Variants in NETO2 observed in about 807,000 individuals in gnomAD.
The protein encoded by NETO2 is neuropilin and tolloid like 2.
NETO2 carries 28 observed loss-of-function variants against 62.5 expected under a neutral mutation model. That is an observed-to-expected ratio of 0.45 (90% CI 0.33 to 0.61). The LOEUF (loss-of-function observed/expected upper bound fraction) is 0.61, where lower values mean the gene tolerates loss of function less well. Among genes scored for constraint, NETO2 ranks in the 20% least tolerant of loss-of-function variants. The pLI is 0.02. For missense variants in NETO2, 548 were observed against 643.2 expected, an observed-to-expected ratio of 0.85 and a Z score of 1.60; for synonymous variants, 214 against 219.1, an observed-to-expected ratio of 0.98 and a Z score of 0.21.
At chr16:47,092,518 T>C (rs906160455) in intron 7 of NETO2, among the ~76,000 whole-genome samples, 10 of 152,060 alleles carry the variant, frequency 6.6e-5, no homozygotes, top group Non-Finnish European at 1.5e-4. Flanking sequence ...AGACGGGCCA[T>C]GTTATAAGTG....
At position 47,143,743 on chromosome 16, in the gene NETO2, C is replaced by T; in HGVS notation, c.-131G>A. 5 of 1,147,138 alleles carry T rather than the reference C, an allele frequency of 4.4e-6. No individual in the cohort carries two copies. In the South Asian group the frequency reaches 2.2e-4, roughly 51 times the overall value. The allele number at this position is 1,147,138 out of a possible 1,614,324, so 71.1% of individuals were successfully genotyped here. A position where few individuals can be genotyped will look rare whatever the true frequency, so the allele number is the denominator to read the frequency against. On this transcript the variant is annotated 5_prime_UTR_variant, in exon 1 of 9. Transcript: ENST00000562435. Reference sequence around the variant, plus strand: ...CGGCCAGCAGCTGCCTCCCCGCTCCCCTGAGGAGAGCTCAGGTCCTGCGGC... The same window carrying T: ...CGGCCAGCAGCTGCCTCCCCGCTCCTCTGAGGAGAGCTCAGGTCCTGCGGC...
intron 7 of NETO2, among the ~76,000 whole-genome samples, chr16:47,108,792 G>C (rs116083487): frequency 0.011 from 1,606 of 152,258 alleles, 27 homozygotes; most frequent in African/African-American, 0.037. Flanking sequence ...TTAATTTTCA[G>C]TTTTACTCTG....
At chr16:47,094,338 C>G (rs1332045211) in intron 7 of NETO2, among the ~76,000 whole-genome samples, 1 of 144,728 alleles carries the variant, frequency 6.9e-6, no homozygotes. Flanking sequence ...AGAAATATAA[C>G]AGAAACAGTT....
chr16:47,115,668 C>T (rs1211034675), intron 6 of NETO2, among the ~76,000 whole-genome samples: 9 of 136,800 alleles, frequency 6.6e-5, no homozygotes, highest in Admixed American at 6.4e-4. Context: ...GCTGGGACTA[C>T]AGCTGCAGCC....
rs540147881 is a variant in NETO2, at chr16:47,122,647, A to G, written c.654+10T>C. 1.9e-5 allele frequency: 31 copies of G among 1,611,636 alleles called. No homozygotes were observed. Among genetic ancestry groups the G allele is most frequent in the Non-Finnish European group, 2.5e-5 (29 of 1,179,428 alleles). On this transcript the variant is annotated intron_variant, in intron 6 of 8. Coordinates refer to ENST00000562435, the MANE Select transcript of NETO2 (RefSeq NM_018092.5). ...GTTCTTCTCTGAAGCGACTCAATAC[A>G]TAATAATACCTTAGCTTTTGGAGTG...
intron 7 of NETO2, 108 bp downstream of exon 7, chr16:47,109,375 A>G: frequency 1.7e-6 from 1 of 581,278 alleles, no homozygotes; most frequent in Non-Finnish European, 2.7e-6. Flanking sequence ...TAGTAAAACA[A>G]AAAAAAACAT....
In NETO2 at chr16:47,123,203, A is replaced by G. The variant is rs144703649; in HGVS notation, c.482-291T>C. Reference sequence around the variant, plus strand: ...CATCACATATACAATATACCAGAATATTATTTGGCCTTAAAAAGGAATGAA... The same window carrying G: ...CATCACATATACAATATACCAGAATGTTATTTGGCCTTAAAAAGGAATGAA... On this transcript the variant is annotated intron_variant, in intron 4 of 8. Transcript: ENST00000562435. Among the ~76,000 whole-genome samples the G allele has an allele frequency of 4.6e-5, 7 of 152,348 alleles. No homozygotes were observed. The East Asian group carries it at 1.3e-3, about 29-fold the overall frequency.
chr16:47,111,772 T>C (rs1049025556), intron 6 of NETO2, among the ~76,000 whole-genome samples: 1 of 152,174 alleles, frequency 6.6e-6, no homozygotes, highest in Non-Finnish European at 1.5e-5. Context: ...AGGTGAGACG[T>C]AGAACTGGTG....
intron 6 of NETO2, among the ~76,000 whole-genome samples, chr16:47,122,058 T>C (rs1399260187): frequency 3.3e-5 from 5 of 152,196 alleles, no homozygotes; most frequent in Non-Finnish European, 4.4e-5. Context: ...TCTTTTTACA[T>C]AATACGCATT....
rs1015975107 is a variant in NETO2 at position 47,122,735 on chromosome 16, C to T, written c.576G>A (p.Gln192=). Residue 192 remains glutamine, a synonymous_variant, in exon 6 of 9, where the codon CAG becomes CAA. Coordinates refer to ENST00000562435, the MANE Select transcript of NETO2 (RefSeq NM_018092.5). ...GTTTTGTTTTCTCCTCTTGTTCTAC[C>T]TGACTAGAGCGCACTATTCCATCAG... ...SGADGIVRSS[Q]VEQEEKTKPG... is the part of the protein sequence containing the mutation. The T allele has an allele frequency of 1.2e-6, 2 of 1,613,968 alleles. No individual in the cohort carries two copies. Among genetic ancestry groups the T allele is most frequent in the African/African-American group, 2.7e-5 (2 of 74,894 alleles).
intron 7 of NETO2, among the ~76,000 whole-genome samples, chr16:47,091,785 G>A (rs1331203740): frequency 6.6e-6 from 1 of 152,180 alleles, no homozygotes; most frequent in Non-Finnish European, 1.5e-5. Context: ...TAAGAACCTT[G>A]GGTGCTGAGT....
rs1963742960 is a variant in NETO2, at chr16:47,109,474, T to C, written c.883+9A>G. On this transcript the variant is annotated intron_variant, in intron 7 of 8. Coordinates refer to ENST00000562435, the MANE Select transcript of NETO2 (RefSeq NM_018092.5). ...AAAGATCTCAATACTATAGGAATTATTTACTTACGCTCCACAAAGGAAGTA... is the reference window on the plus strand; with the variant it reads ...AAAGATCTCAATACTATAGGAATTACTTACTTACGCTCCACAAAGGAAGTA... 2 of 1,594,268 alleles carry C rather than the reference T, an allele frequency of 1.3e-6. No homozygotes were observed. Among genetic ancestry groups the C allele is most frequent in the Non-Finnish European group, 1.7e-6 (2 of 1,166,314 alleles).
intron 4 of NETO2, among the ~76,000 whole-genome samples, chr16:47,126,405 C>T (rs535936424): frequency 6.6e-6 from 1 of 152,284 alleles, no homozygotes; most frequent in South Asian, 2.1e-4. Flanking sequence ...ATTCCAGTTA[C>T]ATGACATTCT....
intron 7 of NETO2, among the ~76,000 whole-genome samples, chr16:47,095,987 A>C (rs1963420476): frequency 1.3e-5 from 2 of 152,350 alleles, no homozygotes; most frequent in South Asian, 4.1e-4. Context: ...ATGAAACTAG[A>C]TATCAACAAC....
At chr16:47,085,884 T>C (rs1311296648) in intron 8 of NETO2, among the ~76,000 whole-genome samples, 1 of 151,762 alleles carries the variant, frequency 6.6e-6, no homozygotes, top group Non-Finnish European at 1.5e-5. Context: ...GGTGGGCAGA[T>C]CATGAGGTCA....
rs1164681175 is a variant in NETO2 at position 47,080,202 on chromosome 16, T to A, written c.*3019A>T. On this transcript the variant is annotated 3_prime_UTR_variant, in exon 9 of 9. Transcript: ENST00000562435. ...TCCTACATGCTTTAGATGTTGGGATTAGTAGGTTTCCTGCAATAGATCTGT... is the reference window on the plus strand; with the variant it reads ...TCCTACATGCTTTAGATGTTGGGATAAGTAGGTTTCCTGCAATAGATCTGT... 1 of 152,152 alleles carries A rather than the reference T, an allele frequency of 6.6e-6. No homozygotes were observed. Among genetic ancestry groups the A allele is most frequent in the Non-Finnish European group, 1.5e-5 (1 of 68,036 alleles). 9.4% of individuals were successfully genotyped at this position (152,152 alleles called of 1,614,324 possible).
At chr16:47,133,616 TAAAATAAAATA>T (rs1964313996) in intron 1 of NETO2, among the ~76,000 whole-genome samples, 1 of 114,922 alleles carries the variant, frequency 8.7e-6, no homozygotes, top group Admixed American at 8.2e-5. Flanking sequence ...TAAAATAAAA[TAAAATAAAATA>T]AAATAAAATA....
At chr16:47,138,430 A>G (rs992073194) in intron 1 of NETO2, among the ~76,000 whole-genome samples, 1 of 152,150 alleles carries the variant, frequency 6.6e-6, no homozygotes, top group Admixed American at 6.6e-5. Flanking sequence ...ACTTGCCCAT[A>G]ATCTACAATG....
chr16:47,112,642 GA>G (rs1368153357), intron 6 of NETO2, among the ~76,000 whole-genome samples: 3 of 152,236 alleles, frequency 2.0e-5, no homozygotes, highest in African/African-American at 7.2e-5. Flanking sequence ...TTACAAGCGT[GA>G]GCCACTGCGC....
Sources: allele counts gnomAD v4.1 joint callset (sites outside exome capture counted in the v4.1 genomes callset), GRCh38; gene constraint gnomAD v4.1.1; transcripts MANE v1.5; gene names NCBI Gene and HGNC (gene_info 2026-07-23, HGNC 2026-07-21).